Variants in OR51B5 observed in about 807,000 individuals in gnomAD.
OR51B5 encodes the protein olfactory receptor 51B5.
For missense variants in OR51B5, 456 were observed against 374.6 expected, an observed-to-expected ratio of 1.22 and a Z score of -1.79; for synonymous variants, 186 against 144.8, an observed-to-expected ratio of 1.28 and a Z score of -2.04.
Position 5,422,807 on chromosome 11 carries a change from G to C in OR51B5, n.85-75897C>G, listed in dbSNP as rs775794899. 4.3e-6 allele frequency: 7 copies of C among 1,614,014 alleles called. No homozygotes were observed. The Admixed American group carries it at 1.0e-4, about 23-fold the overall frequency. The stretch of plus-strand genomic sequence containing the variant: ...CAGGCTCAACAGCTGGTATGGATTT[G>C]CTCTTGCCTTGCTCATTATTATCGT... On this transcript the variant is annotated intron_variant and non_coding_transcript_variant, in intron 1 of 4. Transcript: ENST00000415970.
intron 1 of OR51B5, among the ~76,000 whole-genome samples, chr11:5,481,954 C>G (rs1851429165): frequency 8.0e-6 from 1 of 125,336 alleles, no homozygotes; most frequent in Admixed American, 8.0e-5. Context: ...AGATTCAATG[C>G]CATTCCCATC....
At chr11:5,384,730 T>C (rs534872548) in intron 1 of OR51B5, among the ~76,000 whole-genome samples, 3 of 152,354 alleles carry the variant, frequency 2.0e-5, no homozygotes, top group Admixed American at 6.5e-5. Context: ...TATATGCTGG[T>C]CCAGTTAACA....
intron 1 of OR51B5, among the ~76,000 whole-genome samples, chr11:5,434,488 A>G (rs1387649167): frequency 2.6e-5 from 4 of 152,160 alleles, no homozygotes; most frequent in African/African-American, 9.7e-5. Context: ...CTAGAGGGTC[A>G]CTTAAGGGAC....
At chr11:5,437,647 T>G (rs982760630) in intron 1 of OR51B5, among the ~76,000 whole-genome samples, 6 of 152,230 alleles carry the variant, frequency 3.9e-5, no homozygotes, top group African/African-American at 1.4e-4. Flanking sequence ...GGATAGCACC[T>G]AACTACAAGG....
intron 1 of OR51B5, among the ~76,000 whole-genome samples, chr11:5,368,451 T>C (rs1263055357): frequency 7.3e-6 from 1 of 136,452 alleles, no homozygotes; most frequent in African/African-American, 2.7e-5. Context: ...GTAAGTATTA[T>C]AGAAATCATT....
intron 1 of OR51B5, among the ~76,000 whole-genome samples, chr11:5,495,038 C>G (rs1456449347): frequency 6.6e-6 from 1 of 152,274 alleles, no homozygotes; most frequent in South Asian, 2.1e-4. Context: ...AAGTTTCCAG[C>G]TGCTATCCCC....
intron 1 of OR51B5, chr11:5,488,772 G>A: frequency 6.2e-7 from 1 of 1,613,988 alleles, no homozygotes; most frequent in Non-Finnish European, 8.5e-7. Flanking sequence ...GGATCCCAGG[G>A]CTGGAGGCTG....
intron 1 of OR51B5, chr11:5,352,428 G>C (rs1212027557): frequency 3.1e-6 from 5 of 1,596,990 alleles, no homozygotes; most frequent in South Asian, 1.1e-5. Context: ...TATTCTCTCT[G>C]CCTCACTCTA....
chr11:5,356,773 A>C (rs1407377185), intron 1 of OR51B5, among the ~76,000 whole-genome samples: 1 of 125,878 alleles, frequency 7.9e-6, no homozygotes, highest in Non-Finnish European at 1.8e-5. Flanking sequence ...ATAACAGCAG[A>C]TCTCTCAGCA....
At chr11:5,381,545 T>G (rs1337046615) in intron 1 of OR51B5, among the ~76,000 whole-genome samples, 1 of 152,238 alleles carries the variant, frequency 6.6e-6, no homozygotes. Context: ...TTGAACAATC[T>G]AACATCTTTA....
At chr11:5,468,647 AC>A (rs1043128592) in intron 1 of OR51B5, 3 of 456,342 alleles carry the variant, frequency 6.6e-6, no homozygotes, top group African/African-American at 6.0e-5. Context: ...GGACACACTA[AC>A]CATAGGCACA....
chr11:5,447,219 C>T (rs550914431), intron 1 of OR51B5, among the ~76,000 whole-genome samples: 1 of 152,314 alleles, frequency 6.6e-6, no homozygotes, highest in African/African-American at 2.4e-5. Flanking sequence ...TCTTTTGTGA[C>T]TCTTTATATC....
intron 1 of OR51B5, among the ~76,000 whole-genome samples, chr11:5,475,563 G>A (rs1851290984): frequency 6.6e-6 from 1 of 151,988 alleles, no homozygotes; most frequent in Admixed American, 6.6e-5. Flanking sequence ...GCCTGAATGA[G>A]GATCTACTAA....
At chr11:5,362,337 A>G (rs2133698762) in intron 1 of OR51B5, among the ~76,000 whole-genome samples, 1 of 152,356 alleles carries the variant, frequency 6.6e-6, no homozygotes, top group African/African-American at 2.4e-5. Context: ...AAAGCCATTC[A>G]GAGCCATAAT....
chr11:5,387,400 G>A (rs752908989), intron 1 of OR51B5, among the ~76,000 whole-genome samples: 3 of 152,084 alleles, frequency 2.0e-5, no homozygotes, highest in Non-Finnish European at 4.4e-5. Flanking sequence ...AACATTATAG[G>A]GTGGTTGGTT....
At chr11:5,345,027 G>A (rs1169293520), upstream of OR51B5, among the ~76,000 whole-genome samples, 1 of 152,132 alleles carries the variant, frequency 6.6e-6, no homozygotes, top group Non-Finnish European at 1.5e-5. Flanking sequence ...AAATCAGCAT[G>A]ACTGGCATTT....
At chr11:5,349,643 CAAT>C (rs1172489732) in intron 1 of OR51B5, among the ~76,000 whole-genome samples, 4 of 152,074 alleles carry the variant, frequency 2.6e-5, no homozygotes, top group Admixed American at 6.5e-5. Flanking sequence ...TATAATAAAA[CAAT>C]AAGTTATATA....
At chr11:5,342,650 A>G (rs763632098) in exon 1 of OR51B5, 42 of 1,612,282 alleles carry the variant, frequency 2.6e-5, no homozygotes, top group Non-Finnish European at 3.5e-5. Flanking sequence ...CTTGGTCTTG[A>G]CACTATATGT....
chr11:5,448,632 T>C (rs943412082), intron 1 of OR51B5, among the ~76,000 whole-genome samples: 3 of 152,168 alleles, frequency 2.0e-5, no homozygotes, highest in African/African-American at 7.2e-5. Context: ...GAATAACCTA[T>C]GAAAGTAACT....
Sources: gnomAD v4.1 joint callset for allele counts (sites outside exome capture counted in the v4.1 genomes callset) on GRCh38, gnomAD v4.1.1 for gene constraint, MANE v1.5 for transcripts, NCBI Gene and HGNC (gene_info 2026-07-23, HGNC 2026-07-21) for gene names.